GRM3: variants seen among roughly 807,000 people sequenced by gnomAD.
GRM3 encodes the protein metabotropic glutamate receptor 3.
GRM3 carries 26 observed loss-of-function variants against 70.5 expected under a neutral mutation model. The observed-to-expected ratio is 0.37, with a 90% confidence interval of 0.27 to 0.51. The LOEUF is 0.51. GRM3 is among the 20% of genes least tolerant of loss of function. GRM3 has a pLI of 0.93. For synonymous variants in GRM3, 443 were observed against 434.9 expected, an observed-to-expected ratio of 1.02 and a Z score of -0.23; for missense variants, 859 against 1,123.8, an observed-to-expected ratio of 0.76 and a Z score of 3.37.
chr7:86,775,357 T>A (rs75593550), intron 2 of GRM3: 1 of 151,958 alleles, frequency 6.6e-6, no homozygotes, highest in African/African-American at 2.4e-5. Context: ...TCAAGTAGGC[T>A]CCATTTGTTT....
chr7:86,723,346 A>G (rs1584194040), intron 1 of GRM3, among the ~76,000 whole-genome samples: 1 of 152,168 alleles, frequency 6.6e-6, no homozygotes, highest in African/African-American at 2.4e-5. Flanking sequence ...GAATGCTGGC[A>G]AGTGATATTC....
Position 86,864,391 on chromosome 7 carries a change from T to G in GRM3, c.*36T>G. 2.6e-6 allele frequency: 4 copies of G among 1,541,946 alleles called. No homozygotes were observed. The highest frequency in any genetic ancestry group is 3.6e-6 in the Non-Finnish European group (4 of 1,114,392). On this transcript the variant is annotated 3_prime_UTR_variant, in exon 6 of 6. Transcript: ENST00000361669. The stretch of plus-strand genomic sequence containing the variant: ...CAGTTCAGTTCTTGTGTTTTTAGAC[T>G]GTTAGACAAAAGTGCTCACGTGCAG...
intron 1 of GRM3, among the ~76,000 whole-genome samples, chr7:86,717,566 G>A (rs962122635): frequency 1.3e-5 from 2 of 151,870 alleles, no homozygotes; most frequent in African/African-American, 2.4e-5. Flanking sequence ...CTTATATTGT[G>A]CCTTTAAAAT....
chr7:86,822,430 G>A (rs945999695), intron 3 of GRM3, among the ~76,000 whole-genome samples: 2 of 152,072 alleles, frequency 1.3e-5, no homozygotes, highest in African/African-American at 4.8e-5. Flanking sequence ...ACAAGGGCAA[G>A]CAGAAGCAAT....
At chr7:86,687,467 T>G (rs1794594053) in intron 1 of GRM3, among the ~76,000 whole-genome samples, 1 of 146,770 alleles carries the variant, frequency 6.8e-6, no homozygotes, top group African/African-American at 2.4e-5. Flanking sequence ...ATGGATATAC[T>G]TAGATTCCTG....
chr7:86,863,787 TTAAAC>T (rs1799005263), intron 5 of GRM3, among the ~76,000 whole-genome samples: 2 of 152,174 alleles, frequency 1.3e-5, no homozygotes, highest in Non-Finnish European at 2.9e-5. Context: ...CACATTGTAT[TTAAAC>T]CAGTTTATAG....
At chr7:86,710,065 C>T (rs1163673921) in intron 1 of GRM3, 2 of 152,006 alleles carry the variant, frequency 1.3e-5, no homozygotes, top group African/African-American at 4.8e-5. Context: ...TATCTCAAAG[C>T]CAAATTTGAG....
chr7:86,645,984 CGGGGGGGTGGGGGT>C lies in GRM3; in HGVS notation c.-141+1126_-141+1139del, dbSNP rs1562811196. 3.1e-4 allele frequency among the ~76,000 whole-genome samples: 4 copies of C among 12,762 alleles called. No homozygotes were observed. The East Asian group carries it at 0.033, about 104-fold the overall frequency. The allele number at this position is 12,762 out of a possible 152,430, so 8.4% of individuals were successfully genotyped here. On this transcript the variant is annotated intron_variant, in intron 1 of 5. Coordinates refer to ENST00000361669, the MANE Select transcript of GRM3 (RefSeq NM_000840.3). ...CTACAGTATGTTTCTTTGTGGTGGG[CGGGGGGGTGGGGGT>C]GGGGGGGTGGGGGGGGGTGGGAGGG...
chr7:86,744,233 G>A (rs990955925), intron 1 of GRM3, among the ~76,000 whole-genome samples: 2 of 152,010 alleles, frequency 1.3e-5, no homozygotes, highest in African/African-American at 2.4e-5. Flanking sequence ...AAGACTATTA[G>A]AGAATGTGGA....
intron 2 of GRM3, among the ~76,000 whole-genome samples, chr7:86,785,781 A>C (rs1291419259): frequency 6.9e-6 from 1 of 145,034 alleles, no homozygotes; most frequent in African/African-American, 2.6e-5. Context: ...TCCCAAATTA[A>C]ACTCTTTCAG....
intron 1 of GRM3, among the ~76,000 whole-genome samples, chr7:86,723,205 C>T (rs1795512837): frequency 6.6e-6 from 1 of 151,038 alleles, no homozygotes; most frequent in South Asian, 2.1e-4. Context: ...AAAATAACAT[C>T]TCCTCTTGAG....
chr7:86,670,853 G>C (rs975479609), intron 1 of GRM3, among the ~76,000 whole-genome samples: 2 of 152,068 alleles, frequency 1.3e-5, no homozygotes, highest in African/African-American at 4.8e-5. Context: ...CTGAAAGCTG[G>C]ACAACTCTCT....
intron 1 of GRM3, among the ~76,000 whole-genome samples, chr7:86,756,008 G>T (rs1263689538): frequency 6.6e-6 from 1 of 152,014 alleles, no homozygotes; most frequent in Non-Finnish European, 1.5e-5. Context: ...CTTCTTGTAG[G>T]TTTGATTTTC....
intron 1 of GRM3, among the ~76,000 whole-genome samples, chr7:86,684,256 A>G (rs1562824739): frequency 6.6e-6 from 1 of 152,156 alleles, no homozygotes; most frequent in Non-Finnish European, 1.5e-5. Flanking sequence ...TGCACAAATT[A>G]TGAATGTCCA....
intron 3 of GRM3, among the ~76,000 whole-genome samples, chr7:86,794,297 A>G (rs1184032641): frequency 6.6e-6 from 1 of 152,186 alleles, no homozygotes; most frequent in Non-Finnish European, 1.5e-5. Context: ...ACATACATAA[A>G]GGAACTATTT....
At chr7:86,797,756 G>C (rs1797583497) in intron 3 of GRM3, among the ~76,000 whole-genome samples, 1 of 152,172 alleles carries the variant, frequency 6.6e-6, no homozygotes. Context: ...GGACATGTCA[G>C]AGACCTTCAC....
chr7:86,746,342 TA>T (rs1562846574), intron 1 of GRM3, among the ~76,000 whole-genome samples: 1,727 of 12,360 alleles, frequency 0.14, 108 homozygotes, highest in African/African-American at 0.24. Flanking sequence ...AGTCATGTAT[TA>T]TATATATATA....
At chr7:86,750,466 C>T (rs1035126779) in intron 1 of GRM3, among the ~76,000 whole-genome samples, 4 of 151,990 alleles carry the variant, frequency 2.6e-5, no homozygotes, top group Admixed American at 1.3e-4. Context: ...GACTTGGAAA[C>T]ATATGCTGTG....
At chr7:86,656,015 T>C (rs952298759) in intron 1 of GRM3, among the ~76,000 whole-genome samples, 1 of 152,124 alleles carries the variant, frequency 6.6e-6, no homozygotes, top group African/African-American at 2.4e-5. Flanking sequence ...AGATTCCCAT[T>C]TCCCTTCCAG....
Sources: allele counts gnomAD v4.1 joint callset (sites outside exome capture counted in the v4.1 genomes callset), GRCh38; gene constraint gnomAD v4.1.1; transcripts MANE v1.5; gene names NCBI Gene and HGNC (gene_info 2026-07-23, HGNC 2026-07-21).